The following CTNNA3 variants were observed in gnomAD, a reference collection of about 807,000 sequenced individuals.
CTNNA3 encodes catenin alpha-3.
Under a neutral mutation model 95.7 loss-of-function variants are expected in CTNNA3, and 76 were observed. That is an observed-to-expected ratio of 0.79 (90% CI 0.66 to 0.96). CTNNA3 has a LOEUF of 0.96. Among genes scored for constraint, CTNNA3 ranks in the 40% least tolerant of loss-of-function variants. CTNNA3 has a pLI of 0.00. For synonymous variants in CTNNA3, 431 were observed against 374.4 expected (o/e 1.15, Z -1.74); for missense variants, 1,191 against 1,089.8 (o/e 1.09, Z -1.31).
intron 3 of CTNNA3, among the ~76,000 whole-genome samples, chr10:67,601,869 C>G (rs776258071): frequency 1.3e-5 from 2 of 152,150 alleles, no homozygotes; most frequent in Non-Finnish European, 2.9e-5. Context: ...TTCACCGTCT[C>G]TCCTTTATAC....
intron 1 of CTNNA3, among the ~76,000 whole-genome samples, chr10:67,747,945 C>T (rs114809668): frequency 0.012 from 1,901 of 152,198 alleles, 43 homozygotes; most frequent in African/African-American, 0.043. Flanking sequence ...AAACATAGCA[C>T]GAGAACTTTG....
At chr10:67,521,376 C>T (rs1336545943) in intron 5 of CTNNA3, among the ~76,000 whole-genome samples, 1 of 152,128 alleles carries the variant, frequency 6.6e-6, no homozygotes, top group Non-Finnish European at 1.5e-5. Context: ...AATTACTCAT[C>T]TTCAAAGATC....
In CTNNA3 at chr10:67,300,496, G is replaced by A. The variant is rs1040129572; in HGVS notation, c.580-80626C>T. Reference sequence around the variant, plus strand: ...TCCTCTGGCCTTCCTAGGGAGTACGGTTAGGAGTTGGCTGATCCATTCTAG... The same window carrying A: ...TCCTCTGGCCTTCCTAGGGAGTACGATTAGGAGTTGGCTGATCCATTCTAG... On this transcript the variant is annotated intron_variant, in intron 5 of 17. Transcript: ENST00000433211. Among the ~76,000 whole-genome samples the A allele has an allele frequency of 3.9e-5, 6 of 152,314 alleles. 1 individual carries two copies. Among genetic ancestry groups the A allele is most frequent in the Middle Eastern group, 6.8e-3 (2 of 294 alleles).
At chr10:66,209,220 G>A (rs1444192708) in intron 13 of CTNNA3, among the ~76,000 whole-genome samples, 1 of 152,028 alleles carries the variant, frequency 6.6e-6, no homozygotes, top group African/African-American at 2.4e-5. Context: ...TATGTAAAGG[G>A]CCTACTTTAT....
intron 7 of CTNNA3, among the ~76,000 whole-genome samples, chr10:67,044,206 A>G (rs1418822029): frequency 1.3e-5 from 2 of 152,180 alleles, no homozygotes; most frequent in Non-Finnish European, 2.9e-5. Flanking sequence ...TAAAGAAAAA[A>G]TATGGCTGCA....
At chr10:66,224,984 G>T (rs963938376) in intron 13 of CTNNA3, among the ~76,000 whole-genome samples, 5 of 151,978 alleles carry the variant, frequency 3.3e-5, no homozygotes, top group Middle Eastern at 3.4e-3. Context: ...GCATAATGAT[G>T]AAATCAGAAT....
intron 13 of CTNNA3, among the ~76,000 whole-genome samples, chr10:66,199,106 A>G (rs1172423235): frequency 6.6e-6 from 1 of 151,608 alleles, no homozygotes; most frequent in Non-Finnish European, 1.5e-5. Context: ...ATGACTCCCT[A>G]CTTTGTTTTC....
chr10:66,181,324 G>A (rs1315550504), intron 13 of CTNNA3, among the ~76,000 whole-genome samples: 1 of 152,056 alleles, frequency 6.6e-6, no homozygotes, highest in African/African-American at 2.4e-5. Flanking sequence ...CTGCCAATTT[G>A]CAGAATTGTC....
chr10:66,022,301 C>A (rs977685976), intron 15 of CTNNA3, among the ~76,000 whole-genome samples: 1 of 152,114 alleles, frequency 6.6e-6, no homozygotes, highest in Non-Finnish European at 1.5e-5. Flanking sequence ...TCTCCAGTAG[C>A]TTTAAACAAA....
chr10:67,200,265 G>A (rs1004270248), intron 6 of CTNNA3, among the ~76,000 whole-genome samples: 2 of 152,000 alleles, frequency 1.3e-5, no homozygotes, highest in African/African-American at 4.8e-5. Flanking sequence ...AGATCTGGTG[G>A]GGGGAAAGTA....
At chr10:66,401,800 AG>A (rs1300991073) in intron 11 of CTNNA3, among the ~76,000 whole-genome samples, 4 of 151,690 alleles carry the variant, frequency 2.6e-5, no homozygotes, top group Admixed American at 2.0e-4. Context: ...CTGGGATTAC[AG>A]GTGCCCACCA....
chr10:65,980,282 T>C (rs1485528438), intron 16 of CTNNA3, among the ~76,000 whole-genome samples: 3 of 152,000 alleles, frequency 2.0e-5, no homozygotes, highest in South Asian at 2.1e-4. Context: ...CAGGAAGACA[T>C]AGAAACTCTG....
intron 7 of CTNNA3, among the ~76,000 whole-genome samples, chr10:67,052,389 T>TGGCCA (rs1855165942): frequency 6.6e-6 from 1 of 151,638 alleles, no homozygotes; most frequent in Non-Finnish European, 1.5e-5. Context: ...CCTTACTGTC[T>TGGCCA]ATTCCATGGG....
chr10:66,969,670 A>G (rs904657271), intron 7 of CTNNA3, among the ~76,000 whole-genome samples: 2 of 152,126 alleles, frequency 1.3e-5, no homozygotes, highest in Admixed American at 6.5e-5. Flanking sequence ...AAATTTTAAG[A>G]TCTCTTTTAC....
At chr10:67,244,030 G>A (rs956223603) in intron 5 of CTNNA3, among the ~76,000 whole-genome samples, 1 of 152,112 alleles carries the variant, frequency 6.6e-6, no homozygotes, top group Non-Finnish European at 1.5e-5. Flanking sequence ...AAAACCTTGA[G>A]GGTCACTGCC....
chr10:67,121,085 T>C (rs1327499862), intron 7 of CTNNA3, among the ~76,000 whole-genome samples: 1 of 152,078 alleles, frequency 6.6e-6, no homozygotes, highest in Non-Finnish European at 1.5e-5. Flanking sequence ...AAGCATTCCC[T>C]TGAATAACAC....
chr10:66,508,438 G>A (rs1840541902), intron 11 of CTNNA3, among the ~76,000 whole-genome samples: 2 of 152,028 alleles, frequency 1.3e-5, no homozygotes, highest in African/African-American at 4.8e-5. Flanking sequence ...TGTTTTTAAA[G>A]TTGCTTTCAG....
chr10:67,480,845 CA>C (rs1233240308), intron 5 of CTNNA3, among the ~76,000 whole-genome samples: 1 of 152,088 alleles, frequency 6.6e-6, no homozygotes, highest in Non-Finnish European at 1.5e-5. Flanking sequence ...TCTCCATGAC[CA>C]AGCTGGTCTT....
intron 1 of CTNNA3, among the ~76,000 whole-genome samples, chr10:67,702,168 A>G (rs1841045027): frequency 6.6e-6 from 1 of 152,152 alleles, no homozygotes. Flanking sequence ...CTCCCATACA[A>G]TAATAATGGG....
Sources: allele counts gnomAD v4.1 joint callset (sites outside exome capture counted in the v4.1 genomes callset), GRCh38; gene constraint gnomAD v4.1.1; transcripts MANE v1.5; gene names NCBI Gene and HGNC (gene_info 2026-07-23, HGNC 2026-07-21).